VCAN: variants seen among roughly 807,000 people sequenced by gnomAD.
VCAN encodes versican core protein.
A neutral mutation model predicts 245.5 loss-of-function variants in VCAN; 44 were observed. The observed-to-expected ratio is 0.18, with a 90% CI of 0.14 to 0.23. VCAN has a LOEUF of 0.23. Among genes scored for constraint, VCAN ranks in the 10% least tolerant of loss-of-function variants. The pLI is 1.00. For synonymous variants in VCAN, 1,413 were observed against 1,437.0 expected, an observed-to-expected ratio of 0.98 and a Z score of 0.38; for missense variants, 3,793 against 4,057.9, an observed-to-expected ratio of 0.93 and a Z score of 1.77.
intron 12 of VCAN, among the ~76,000 whole-genome samples, chr5:83,561,736 G>A (rs997959295): frequency 1.3e-5 from 2 of 152,126 alleles, no homozygotes; most frequent in Non-Finnish European, 1.5e-5. Flanking sequence ...TACCCAGGAA[G>A]AGACACTTAA....
In VCAN at chr5:83,581,013, C is replaced by T. The variant is rs182786504; in HGVS notation, c.*579C>T. The T allele has an allele frequency of 1.8e-5, 3 of 170,096 alleles. No individual in the cohort carries two copies. Among genetic ancestry groups the T allele is most frequent in the East Asian group, 3.2e-4 (2 of 6,312 alleles). 10.5% of individuals were successfully genotyped at this position (170,096 alleles called of 1,614,324 possible). A position where few individuals can be genotyped will look rare whatever the true frequency, so the allele number is the denominator to read the frequency against. The stretch of plus-strand genomic sequence containing the variant: ...TTGTAGGTCATTGCACCTATCTCAG[C>T]CATAGGTGCAGTTTGCTTCTACATG... On this transcript the variant is annotated 3_prime_UTR_variant, in exon 15 of 15. Coordinates refer to ENST00000265077, the MANE Select transcript of VCAN (RefSeq NM_004385.5).
chr5:83,538,096 C>T lies in VCAN; in HGVS notation c.5093C>T (p.Ala1698Val). ...TATCCAGTTTCTGAACAACCTTCTGCAAAAGTGGTGCCTACCAAGTTTGTA... is the reference window on the plus strand; with the variant it reads ...TATCCAGTTTCTGAACAACCTTCTGTAAAAGTGGTGCCTACCAAGTTTGTA... The part of the protein sequence containing the change: ...TIYPVSEQPS[A>V]KVVPTKFVSE... The change falls in exon 8 of 15, where the codon GCA becomes GTA. Residue 1698 changes from alanine (A) to valine (V), a missense_variant. This residue lies in a region of VCAN where 3,182 missense variants were observed against 3,250.3 expected (regional missense o/e 0.98). Coordinates refer to ENST00000265077, the MANE Select transcript of VCAN (RefSeq NM_004385.5). 1.9e-6 allele frequency: 3 copies of T among 1,614,020 alleles called. No individual in the cohort carries two copies. Among genetic ancestry groups the T allele is most frequent in the Non-Finnish European group, 2.5e-6 (3 of 1,179,976 alleles).
intron 12 of VCAN, among the ~76,000 whole-genome samples, chr5:83,563,026 A>G (rs1747931560): frequency 6.6e-6 from 1 of 152,146 alleles, no homozygotes; most frequent in Non-Finnish European, 1.5e-5. Flanking sequence ...CACTTTAACA[A>G]CTATCAGGAG....
chr5:83,544,179 G>A (rs979181314), intron 8 of VCAN, among the ~76,000 whole-genome samples: 16 of 152,350 alleles, frequency 1.1e-4, no homozygotes, highest in East Asian at 9.6e-4. Flanking sequence ...GGCAGCGAGC[G>A]TACTTGTACT....
intron 1 of VCAN, among the ~76,000 whole-genome samples, chr5:83,472,395 G>A (rs962066): frequency 6.6e-6 from 1 of 151,772 alleles, no homozygotes; most frequent in South Asian, 2.1e-4. Context: ...TGATTTTTTT[G>A]TTGTTGTTGT....
At chr5:83,531,173 T>TGA (rs2112428927) in intron 7 of VCAN, among the ~76,000 whole-genome samples, 1 of 152,060 alleles carries the variant, frequency 6.6e-6, no homozygotes, top group African/African-American at 2.4e-5. Context: ...ATCTCTGGAG[T>TGA]GAGAGGAAAA....
intron 12 of VCAN, among the ~76,000 whole-genome samples, chr5:83,558,136 C>A (rs1419346305): frequency 6.6e-6 from 1 of 152,130 alleles, no homozygotes; most frequent in African/African-American, 2.4e-5. Context: ...TATCCTTTTC[C>A]TCTCTGAAAC....
At chr5:83,507,018 T>C (rs1745501756) in intron 5 of VCAN, among the ~76,000 whole-genome samples, 1 of 152,188 alleles carries the variant, frequency 6.6e-6, no homozygotes, top group Non-Finnish European at 1.5e-5. Context: ...TTTTGGGAGA[T>C]ACAATTCAAG....
intron 12 of VCAN, chr5:83,562,364 A>T (rs1444053649): frequency 2.6e-5 from 4 of 152,124 alleles, no homozygotes; most frequent in Admixed American, 2.6e-4. Context: ...TCTGATTCTA[A>T]ATGTGAGATA....
chr5:83,555,598 AGTAGACT>A (rs1411369981), intron 12 of VCAN, among the ~76,000 whole-genome samples: 2 of 152,208 alleles, frequency 1.3e-5, no homozygotes, highest in African/African-American at 4.8e-5. Flanking sequence ...CACAACTTTG[AGTAGACT>A]GTAATAGGTT....
At chr5:83,577,544 A>T (rs1469254406) in intron 13 of VCAN, among the ~76,000 whole-genome samples, 1 of 152,164 alleles carries the variant, frequency 6.6e-6, no homozygotes, top group Admixed American at 6.5e-5. Context: ...CTTCCCAGGT[A>T]GATCCTGGCA....
chr5:83,501,347 T>C (rs902877444), intron 5 of VCAN, among the ~76,000 whole-genome samples: 4 of 152,216 alleles, frequency 2.6e-5, no homozygotes, highest in African/African-American at 9.6e-5. Context: ...TTTTGTGCTT[T>C]TGGTGTCATA....
At chr5:83,514,122 A>G (rs1254675643) in intron 6 of VCAN, among the ~76,000 whole-genome samples, 1 of 152,208 alleles carries the variant, frequency 6.6e-6, no homozygotes, top group African/African-American at 2.4e-5. Context: ...GTTTAAATAG[A>G]GTAACCAAAA....
Position 83,509,942 on chromosome 5 carries a change from A to G in VCAN, c.749-2161A>G, listed in dbSNP as rs544245229. On this transcript the variant is annotated intron_variant, in intron 5 of 14. Transcript: ENST00000265077. ...TGTGCTGTTGGGAAGGATAGGGGGAAAAAAGAGACCTAGCTTCTTAATAAG... is the reference window on the plus strand; with the variant it reads ...TGTGCTGTTGGGAAGGATAGGGGGAGAAAAGAGACCTAGCTTCTTAATAAG... Among the ~76,000 whole-genome samples, 28 of 152,330 alleles carry G rather than the reference A, an allele frequency of 1.8e-4. No individual in the cohort carries two copies. The South Asian group carries it at 4.1e-3, about 23-fold the overall frequency.
intron 5 of VCAN, among the ~76,000 whole-genome samples, chr5:83,504,464 C>A (rs1414898156): frequency 6.6e-6 from 1 of 150,950 alleles, no homozygotes; most frequent in Non-Finnish European, 1.5e-5. Context: ...CTCACTGCAA[C>A]CTCTGCCTCC....
At chr5:83,482,885 G>A (rs1233406359) in intron 1 of VCAN, among the ~76,000 whole-genome samples, 4 of 152,200 alleles carry the variant, frequency 2.6e-5, no homozygotes, top group African/African-American at 9.7e-5. Context: ...GGTCACTTTT[G>A]TAATTAACAC....
At chr5:83,495,092 A>T (rs1745115097) in intron 5 of VCAN, among the ~76,000 whole-genome samples, 2 of 152,218 alleles carry the variant, frequency 1.3e-5, no homozygotes, top group South Asian at 4.1e-4. Flanking sequence ...TAAAGTATAG[A>T]TAATAGTGTT....
intron 7 of VCAN, among the ~76,000 whole-genome samples, chr5:83,533,707 T>C (rs922595405): frequency 6.6e-6 from 1 of 152,178 alleles, no homozygotes; most frequent in African/African-American, 2.4e-5. Context: ...CATTATCATA[T>C]TTATTTAGGT....
chr5:83,565,208 G>A (rs1197391361), intron 12 of VCAN, among the ~76,000 whole-genome samples: 1 of 152,102 alleles, frequency 6.6e-6, no homozygotes, highest in African/African-American at 2.4e-5. Context: ...TCTGTGTATT[G>A]GACAGCTCAG....
Sources: gnomAD v4.1 joint callset for allele counts (sites outside exome capture counted in the v4.1 genomes callset) on GRCh38, gnomAD v4.1.1 for gene constraint, gnomAD v4.1.1 regional missense constraint, MANE v1.5 for transcripts, NCBI Gene and HGNC (gene_info 2026-07-23, HGNC 2026-07-21) for gene names.